RIMS2: variants seen among roughly 807,000 people sequenced by gnomAD.
The protein encoded by RIMS2 is regulating synaptic membrane exocytosis 2.
Under a neutral mutation model 174.4 loss-of-function variants are expected in RIMS2, and 59 were observed. The observed-to-expected ratio is 0.34, with a 90% CI of 0.27 to 0.42. The LOEUF (loss-of-function observed/expected upper bound fraction) is 0.42. Among genes scored for constraint, RIMS2 ranks in the 10% least tolerant of loss-of-function variants. The probability of loss-of-function intolerance (pLI) is 1.00; values close to 1 mark genes in which losing one functional copy is unlikely to be tolerated. For missense variants in RIMS2, 1,620 were observed against 1,666.3 expected (o/e 0.97, Z 0.48); for synonymous variants, 606 against 572.5 (o/e 1.06, Z -0.84).
intron 1 of RIMS2, among the ~76,000 whole-genome samples, chr8:103,524,035 C>T (rs888919220): frequency 2.0e-5 from 3 of 152,014 alleles, no homozygotes; most frequent in Admixed American, 6.6e-5. Flanking sequence ...GTACTGACAA[C>T]TGTAATTGTA....
In RIMS2 at chr8:103,794,912, G is replaced by A. The variant is rs567031692; in HGVS notation, c.698+28375G>A. Among the ~76,000 whole-genome samples the A allele has an allele frequency of 5.3e-5, 8 of 152,226 alleles. No individual in the cohort carries two copies. The South Asian group carries it at 1.0e-3, about 20-fold the overall frequency. ...ACCATCTCACACCAGTTAGAATGGCGATCATTAAAAAGTCAGGAAACAACG... is the reference window on the plus strand; with the variant it reads ...ACCATCTCACACCAGTTAGAATGGCAATCATTAAAAAGTCAGGAAACAACG... On this transcript the variant is annotated intron_variant, in intron 3 of 23. Coordinates refer to ENST00000504942, the Ensembl canonical transcript of RIMS2.
intron 17 of RIMS2, among the ~76,000 whole-genome samples, chr8:104,002,730 C>G (rs2095435977): frequency 6.6e-6 from 1 of 152,112 alleles, no homozygotes; most frequent in Non-Finnish European, 1.5e-5. Context: ...CCCAGTTATG[C>G]CCACTCCATT....
At chr8:104,017,867 G>A (rs2095967535) in intron 19 of RIMS2, among the ~76,000 whole-genome samples, 1 of 152,068 alleles carries the variant, frequency 6.6e-6, no homozygotes, top group South Asian at 2.1e-4. Context: ...CTTGAGCTCG[G>A]GAGTTCAAGA....
chr8:103,931,436 GA>G (rs920052631), intron 12 of RIMS2, 43 bp downstream of exon 14: 45 of 1,409,722 alleles, frequency 3.2e-5, no homozygotes, highest in Non-Finnish European at 4.3e-5. Context: ...AAATAAATGA[GA>G]AAATGTTCAT....
At chr8:103,502,151 A>C (rs543647801) in intron 1 of RIMS2, among the ~76,000 whole-genome samples, 2 of 152,190 alleles carry the variant, frequency 1.3e-5, no homozygotes, top group Non-Finnish European at 2.9e-5. Flanking sequence ...TGTCAAGTAT[A>C]CGTTTCCCAT....
At chr8:103,840,286 C>G (rs2098931674) in intron 3 of RIMS2, among the ~76,000 whole-genome samples, 2 of 152,162 alleles carry the variant, frequency 1.3e-5, no homozygotes, top group South Asian at 4.1e-4. Flanking sequence ...TCATGATATT[C>G]AGCCCCAAGT....
chr8:103,668,670 A>G (rs984253778), intron 1 of RIMS2, among the ~76,000 whole-genome samples: 2 of 151,354 alleles, frequency 1.3e-5, no homozygotes, highest in Non-Finnish European at 2.9e-5. Context: ...TTATTTATTT[A>G]TTTATTTATT....
chr8:104,047,028 A>G (rs1362603191), intron 19 of RIMS2, among the ~76,000 whole-genome samples: 1 of 152,100 alleles, frequency 6.6e-6, no homozygotes, highest in South Asian at 2.1e-4. Flanking sequence ...TTGATAAAGT[A>G]TGATACTTAA....
chr8:103,759,060 A>T (rs778555022), intron 2 of RIMS2, among the ~76,000 whole-genome samples: 12 of 152,178 alleles, frequency 7.9e-5, no homozygotes, highest in Non-Finnish European at 1.8e-4. Flanking sequence ...GAAAGAAGAC[A>T]GGTGAGGCCA....
chr8:103,607,731 C>G (rs984822691), intron 1 of RIMS2, among the ~76,000 whole-genome samples: 1 of 136,800 alleles, frequency 7.3e-6, no homozygotes, highest in African/African-American at 2.9e-5. Context: ...AACTTCCCTT[C>G]TCACTTCATT....
At chr8:103,841,427 A>G (rs565057516) in intron 3 of RIMS2, among the ~76,000 whole-genome samples, 1 of 152,064 alleles carries the variant, frequency 6.6e-6, no homozygotes, top group African/African-American at 2.4e-5. Context: ...TCTAGACTTG[A>G]TGATTCTCTG....
In RIMS2 at chr8:103,758,043, G is replaced by A. The variant is rs139256215; in HGVS notation, c.388-8184G>A. ...TGTTGTTTTAAGCCACCAGTTTGGG[G>A]TAATTTGTAATTTGAGTCATGGAAG... On this transcript the variant is annotated intron_variant, in intron 2 of 23. Transcript: ENST00000504942. Among the ~76,000 whole-genome samples, 205 of 152,234 alleles carry A rather than the reference G, an allele frequency of 1.3e-3. 1 individual carries two copies. The highest frequency in any genetic ancestry group is 4.6e-3 in the African/African-American group (192 of 41,540).
rs183251503 is a variant in RIMS2, at chr8:104,206,425, A to T, written c.3335-38491A>T. On this transcript the variant is annotated intron_variant, in intron 19 of 23. Coordinates refer to ENST00000504942, the Ensembl canonical transcript of RIMS2. ...GGAAATACATTCTTTGCATTTTTGTAGATGTATATCATGGGAGATGTTGCC... is the reference window on the plus strand; with the variant it reads ...GGAAATACATTCTTTGCATTTTTGTTGATGTATATCATGGGAGATGTTGCC... 3.4e-3 allele frequency among the ~76,000 whole-genome samples: 522 copies of T among 152,326 alleles called. 3 individuals are homozygous for T. Among genetic ancestry groups the T allele is most frequent in the African/African-American group, 0.012 (500 of 41,570 alleles).
intron 2 of RIMS2, among the ~76,000 whole-genome samples, chr8:103,724,106 G>A (rs1564412297): frequency 6.7e-6 from 1 of 148,752 alleles, no homozygotes; most frequent in African/African-American, 2.5e-5. Flanking sequence ...GCAGGGATGT[G>A]AGGGAGGGGT....
intron 3 of RIMS2, among the ~76,000 whole-genome samples, chr8:103,847,633 C>G (rs182130426): frequency 6.6e-6 from 1 of 151,986 alleles, no homozygotes; most frequent in Non-Finnish European, 1.5e-5. Context: ...TGGAATGCCT[C>G]TTTATGTCTG....
At chr8:104,193,469 G>T (rs1443128631) in intron 19 of RIMS2, among the ~76,000 whole-genome samples, 1 of 152,092 alleles carries the variant, frequency 6.6e-6, no homozygotes, top group Non-Finnish European at 1.5e-5. Flanking sequence ...ATGTCTTTTG[G>T]ATTTATGGAG....
chr8:103,654,639 C>CT (rs2096500719), intron 1 of RIMS2, among the ~76,000 whole-genome samples: 1 of 151,872 alleles, frequency 6.6e-6, no homozygotes, highest in South Asian at 2.1e-4. Context: ...ACCAGGGTTA[C>CT]TTCTGAATGC....
chr8:103,856,375 G>A (rs1169750397), intron 3 of RIMS2, among the ~76,000 whole-genome samples: 1 of 152,156 alleles, frequency 6.6e-6, no homozygotes, highest in Non-Finnish European at 1.5e-5. Flanking sequence ...GTGTCGCAAA[G>A]CACTTTTATG....
intron 19 of RIMS2, among the ~76,000 whole-genome samples, chr8:104,114,497 A>C (rs571652550): frequency 6.6e-6 from 1 of 152,002 alleles, no homozygotes; most frequent in African/African-American, 2.4e-5. Flanking sequence ...AAAGATGTTG[A>C]AAGGATTAGG....
Sources: allele counts gnomAD v4.1 joint callset (sites outside exome capture counted in the v4.1 genomes callset), GRCh38; gene constraint gnomAD v4.1.1; transcripts MANE v1.5; gene names NCBI Gene and HGNC (gene_info 2026-07-23, HGNC 2026-07-21).